The following ACTG1 variants were observed in gnomAD, a reference collection of about 807,000 sequenced individuals.
ACTG1 encodes actin, cytoplasmic 2.
Under a neutral mutation model 34.3 loss-of-function variants are expected in ACTG1, and 14 were observed. That is an observed-to-expected ratio of 0.41 (90% CI 0.27 to 0.64). ACTG1 has a LOEUF of 0.64. ACTG1 is among the 30% of genes least tolerant of loss of function. The pLI is 0.33. For missense variants in ACTG1, 233 were observed against 529.5 expected (o/e 0.44, Z 5.50); for synonymous variants, 422 against 213.9 (o/e 1.97, Z -8.49).
rs369438865 is a variant in ACTG1, at chr17:81,511,111, A to G, written c.803-3T>C. The stretch of plus-strand genomic sequence containing the variant: ...GTGGATGCCGCAAGATTCCATACCT[A>G]GGGGACAGAGCCCTCCCTTAGTGAT... On this transcript the variant is annotated splice_polypyrimidine_tract_variant and splice_region_variant and intron_variant, in intron 4 of 5. Transcript: ENST00000573283. 1.9e-4 allele frequency: 313 copies of G among 1,613,838 alleles called. No homozygotes were observed. The highest frequency in any genetic ancestry group is 2.6e-4 in the Non-Finnish European group (306 of 1,180,040).
At position 81,511,366 on chromosome 17, in the gene ACTG1, G is replaced by T. The variant is rs370369574; in HGVS notation, c.624C>A (p.Ile208=). ...ACAGCTTCTCCTTGATGTCGCGCAC[G>T]ATTTCCCGCTCGGCCGTGGTGGTGA... ...YSFTTTAERE[I]VRDIKEKLCY... is the part of the protein sequence containing the mutation. The change falls in exon 4 of 6, where the codon ATC becomes ATA. Residue 208 remains isoleucine (I), a synonymous_variant. Coordinates refer to ENST00000573283, the MANE Select transcript of ACTG1 (RefSeq NM_001614.5). 2.4e-5 allele frequency: 38 copies of T among 1,613,960 alleles called. No homozygotes were observed. The highest frequency in any genetic ancestry group is 3.1e-5 in the Non-Finnish European group (36 of 1,180,042).
rs370679390 is a variant in ACTG1, at chr17:81,512,400, A to G, written c.-6-40T>C. On this transcript the variant is annotated intron_variant, in intron 1 of 5. Coordinates refer to ENST00000573283, the MANE Select transcript of ACTG1 (RefSeq NM_001614.5). ...ATGGACTCAGGCGGGCGCGTCTGTA[A>G]CACGGTCCCCTCCCCACAGCCACCT... 6.2e-6 allele frequency: 10 copies of G among 1,613,428 alleles called. No individual in the cohort carries two copies. The African/African-American group carries it at 8.0e-5, about 13-fold the overall frequency.
Position 81,510,448 on chromosome 17 carries a change from C to CA in ACTG1, c.*241dup, listed in dbSNP as rs1170099773. On this transcript the variant is annotated 3_prime_UTR_variant, in exon 6 of 6. Transcript: ENST00000573283. ...AGCCACACGTACTAAAGGTTGAACT[C>CA]AAAGATATGTACAGGGTATTAAACA... 6 of 654,134 alleles carry CA rather than the reference C, an allele frequency of 9.2e-6. No individual in the cohort carries two copies. The highest frequency in any genetic ancestry group is 3.6e-5 in the African/African-American group (2 of 55,968). The allele number at this position is 654,134 out of a possible 1,614,324, so 40.5% of individuals were successfully genotyped here. A position where few individuals can be genotyped will look rare whatever the true frequency, so the allele number is the denominator to read the frequency against.
intron 3 of ACTG1, 85 bp downstream of exon 3, chr17:81,511,816 AAG>A: frequency 6.2e-7 from 1 of 1,602,174 alleles, no homozygotes. Flanking sequence ...GGAACAGCGA[AAG>A]AAACACTTAA....
intron 1 of ACTG1, 81 bp downstream of exon 1, chr17:81,512,653 G>A (rs1311592498): frequency 4.5e-5 from 20 of 446,682 alleles, no homozygotes; most frequent in South Asian, 2.0e-4. Flanking sequence ...ACGAGGCCTC[G>A]GCAGCTGGAA....
chr17:81,510,228 G>T lies in ACTG1; in HGVS notation c.*462C>A. The T allele has an allele frequency of 2.0e-6, 1 of 512,118 alleles. No individual in the cohort carries two copies. Among genetic ancestry groups the T allele is most frequent in the East Asian group, 6.8e-5 (1 of 14,716 alleles). The allele number at this position is 512,118 out of a possible 1,614,324, so 31.7% of individuals were successfully genotyped here. A position where few individuals can be genotyped will look rare whatever the true frequency, so the allele number is the denominator to read the frequency against. ...GCTAAGAAAGGAAACTGGGTCCTAC[G>T]GCTTGGACTTTCCAACCCTGACAGA... On this transcript the variant is annotated 3_prime_UTR_variant, in exon 6 of 6. Coordinates refer to ENST00000573283, the MANE Select transcript of ACTG1 (RefSeq NM_001614.5).
chr17:81,512,522 C>T lies in ACTG1; in HGVS notation c.-6-162G>A, dbSNP rs1007192227. Reference sequence around the variant, plus strand: ...CTGGAACCGAAGGCCGGGCCTTTTACGTAACGTCCACGGCTCGGAAGTCTG... The same window carrying T: ...CTGGAACCGAAGGCCGGGCCTTTTATGTAACGTCCACGGCTCGGAAGTCTG... On this transcript the variant is annotated intron_variant, in intron 1 of 5. Transcript: ENST00000573283. 7 of 1,186,870 alleles carry T rather than the reference C, an allele frequency of 5.9e-6. No individual in the cohort carries two copies. In the East Asian group the frequency reaches 7.5e-5, roughly 13 times the overall value. The allele number at this position is 1,186,870 out of a possible 1,614,324, so 73.5% of individuals were successfully genotyped here. A position where few individuals can be genotyped will look rare whatever the true frequency, so the allele number is the denominator to read the frequency against.
chr17:81,510,223 C>T lies in ACTG1; in HGVS notation c.*467G>A, dbSNP rs11549169. Reference sequence around the variant, plus strand: ...CATCAGCTAAGAAAGGAAACTGGGTCCTACGGCTTGGACTTTCCAACCCTG... The same window carrying T: ...CATCAGCTAAGAAAGGAAACTGGGTTCTACGGCTTGGACTTTCCAACCCTG... On this transcript the variant is annotated 3_prime_UTR_variant, in exon 6 of 6. Transcript: ENST00000573283. The T allele has an allele frequency of 3.1e-4, 160 of 509,968 alleles. No homozygotes were observed. The highest frequency in any genetic ancestry group is 3.0e-3 in the African/African-American group (151 of 50,932). 31.6% of individuals were successfully genotyped at this position (509,968 alleles called of 1,614,324 possible).
rs1213339754 is a variant in ACTG1 at position 81,510,552 on chromosome 17, A to C, written c.*138T>G. On this transcript the variant is annotated 3_prime_UTR_variant, in exon 6 of 6. Coordinates refer to ENST00000573283, the MANE Select transcript of ACTG1 (RefSeq NM_001614.5). Reference sequence around the variant, plus strand: ...CTACAATCCAGTGCTGATATCAGATACAAGCTTCAAGGACAATTTCTTTTC... The same window carrying C: ...CTACAATCCAGTGCTGATATCAGATCCAAGCTTCAAGGACAATTTCTTTTC... 4.1e-5 allele frequency: 46 copies of C among 1,121,160 alleles called. No homozygotes were observed. The Middle Eastern group carries it at 1.1e-3, about 27-fold the overall frequency. 69.5% of individuals were successfully genotyped at this position (1,121,160 alleles called of 1,614,324 possible).
In ACTG1 at chr17:81,511,441, C is replaced by A; in HGVS notation, c.549G>T (p.Arg183=). ...HAILRLDLAG[R]DLTDYLMKIL... Reference sequence around the variant, plus strand: ...TCTTCATGAGGTAGTCGGTCAGGTCCCGGCCAGCCAGGTCCAGACGCAGGA... The same window carrying A: ...TCTTCATGAGGTAGTCGGTCAGGTCACGGCCAGCCAGGTCCAGACGCAGGA... Residue 183 remains arginine, a synonymous_variant, in exon 4 of 6, where the codon CGG becomes CGT. Coordinates refer to ENST00000573283, the MANE Select transcript of ACTG1 (RefSeq NM_001614.5). 2 of 1,613,904 alleles carry A rather than the reference C, an allele frequency of 1.2e-6. No individual in the cohort carries two copies. Among genetic ancestry groups the A allele is most frequent in the Non-Finnish European group, 1.7e-6 (2 of 1,180,040 alleles).
chr17:81,511,759 A>T, intron 3 of ACTG1, 133 bp from the exon 4 acceptor site: 1 of 1,530,916 alleles, frequency 6.5e-7, no homozygotes, highest in Non-Finnish European at 8.9e-7. Context: ...ACCAAATGAG[A>T]AACCTGGAGG....
At position 81,511,894 on chromosome 17, in the gene ACTG1, G is replaced by C; in HGVS notation, c.363+9C>G. 2 of 1,614,074 alleles carry C rather than the reference G, an allele frequency of 1.2e-6. No homozygotes were observed. Among genetic ancestry groups the C allele is most frequent in the South Asian group, 1.1e-5 (1 of 91,088 alleles). ...GACGGGAGGAGCACGGGCGTCGGCC[G>C]AGCCTCACCTGAGTCATCTTCTCTC... On this transcript the variant is annotated intron_variant, in intron 3 of 5. Transcript: ENST00000573283.
rs1555666127 is a variant in ACTG1 at position 81,510,379 on chromosome 17, T to C, written c.*311A>G. The stretch of plus-strand genomic sequence containing the variant: ...CACACAGACTCACCAAGCCACAGAC[T>C]TGTCTTCCACAAGCACGTTCTTACC... On this transcript the variant is annotated 3_prime_UTR_variant, in exon 6 of 6. Transcript: ENST00000573283. The C allele has an allele frequency of 4.2e-6, 2 of 481,822 alleles. No individual in the cohort carries two copies. The highest frequency in any genetic ancestry group is 7.8e-6 in the Non-Finnish European group (2 of 256,518). 29.8% of individuals were successfully genotyped at this position (481,822 alleles called of 1,614,324 possible). A position where few individuals can be genotyped will look rare whatever the true frequency, so the allele number is the denominator to read the frequency against.
In ACTG1 at chr17:81,512,156, C is replaced by G; in HGVS notation, c.124-14G>C. ...CACCATGACGCCCTGCAGGGGACGACCCGTCAGCCTCGCCGGCGACACCGA... is the reference window on the plus strand; with the variant it reads ...CACCATGACGCCCTGCAGGGGACGAGCCGTCAGCCTCGCCGGCGACACCGA... On this transcript the variant is annotated splice_polypyrimidine_tract_variant and intron_variant, in intron 2 of 5. Coordinates refer to ENST00000573283, the MANE Select transcript of ACTG1 (RefSeq NM_001614.5). 1 of 1,613,348 alleles carries G rather than the reference C, an allele frequency of 6.2e-7. No homozygotes were observed. Among genetic ancestry groups the G allele is most frequent in the South Asian group, 1.1e-5 (1 of 91,056 alleles).
chr17:81,511,077 G>T lies in ACTG1; in HGVS notation c.834C>A (p.Thr278=). The change falls in exon 5 of 6, where the codon ACC becomes ACA. Residue 278 remains threonine, a synonymous_variant. Transcript: ENST00000573283. The part of the protein sequence containing the change: ...GMESCGIHET[T]FNSIMKCDVD... The stretch of plus-strand genomic sequence containing the variant: ...CGTCACACTTCATGATGGAGTTGAA[G>T]GTGGTCTCGTGGATGCCGCAAGATT... 1 of 1,614,050 alleles carries T rather than the reference G, an allele frequency of 6.2e-7. No homozygotes were observed. Among genetic ancestry groups the T allele is most frequent in the Non-Finnish European group, 8.5e-7 (1 of 1,180,042 alleles).
At position 81,511,300 on chromosome 17, in the gene ACTG1, G is replaced by C. The variant is rs11549213; in HGVS notation, c.690C>G (p.Ala230=). ...TCTTCTCCAGAGAAGAGGAGGATGC[G>C]GCGGTGGCCATCTCCTGCTCGAAGT... The part of the protein sequence containing the change: ...ALDFEQEMAT[A]ASSSSLEKSY... The change falls in exon 4 of 6, where the codon GCC becomes GCG. Residue 230 remains alanine, a synonymous_variant. Transcript: ENST00000573283. 1.2e-6 allele frequency: 2 copies of C among 1,613,674 alleles called. No individual in the cohort carries two copies. Among genetic ancestry groups the C allele is most frequent in the Non-Finnish European group, 1.7e-6 (2 of 1,180,052 alleles).
chr17:81,512,415 C>A, intron 1 of ACTG1, 55 bp from the exon 2 acceptor site: 1 of 1,613,230 alleles, frequency 6.2e-7, no homozygotes, highest in South Asian at 1.1e-5. Context: ...GTCCCCTCCC[C>A]ACAGCCACCT....
intron 1 of ACTG1, 95 bp from the exon 2 acceptor site, chr17:81,512,455 T>C: frequency 6.3e-7 from 1 of 1,599,568 alleles, no homozygotes; most frequent in East Asian, 2.2e-5. Context: ...GCCTCGGCCC[T>C]GCCCCAACCC....
At position 81,510,352 on chromosome 17, in the gene ACTG1, G is replaced by C; in HGVS notation, c.*338C>G. 4.4e-6 allele frequency: 2 copies of C among 449,628 alleles called. No homozygotes were observed. Among genetic ancestry groups the C allele is most frequent in the South Asian group, 3.6e-5 (2 of 55,290 alleles). The allele number at this position is 449,628 out of a possible 1,614,324, so 27.9% of individuals were successfully genotyped here. On this transcript the variant is annotated 3_prime_UTR_variant, in exon 6 of 6. Coordinates refer to ENST00000573283, the MANE Select transcript of ACTG1 (RefSeq NM_001614.5). ...ACCCTGCACAGATCAGAGGCTGCTG[G>C]CCACACAGACTCACCAAGCCACAGA...
Sources: allele counts gnomAD v4.1 joint callset, GRCh38; gene constraint gnomAD v4.1.1; transcripts MANE v1.5; gene names NCBI Gene and HGNC (gene_info 2026-07-23, HGNC 2026-07-21).